Variants in DAB1 observed in about 807,000 individuals in gnomAD.
The protein encoded by DAB1 is disabled homolog 1.
A neutral mutation model predicts 64.6 loss-of-function variants in DAB1; 15 were observed. The observed-to-expected ratio is 0.23, with a 90% confidence interval of 0.16 to 0.36. The LOEUF is 0.36. Among genes scored for constraint, DAB1 ranks in the 10% least tolerant of loss-of-function variants. The pLI is 1.00. For synonymous variants in DAB1, 235 were observed against 251.9 expected (o/e 0.93, Z 0.64); for missense variants, 596 against 706.7 (o/e 0.84, Z 1.78).
intron 4 of DAB1, among the ~76,000 whole-genome samples, chr1:58,301,241 G>A (rs929268308): frequency 6.2e-5 from 9 of 145,930 alleles, no homozygotes; most frequent in East Asian, 2.1e-4. Context: ...GAGAGGGGGG[G>A]GTCATGAAAT....
At chr1:57,496,256 G>C (rs1191088891) in intron 7 of DAB1, among the ~76,000 whole-genome samples, 2 of 152,090 alleles carry the variant, frequency 1.3e-5, no homozygotes, top group Admixed American at 1.3e-4. Context: ...CATTTGGATA[G>C]ACCTTGTGTT....
At chr1:57,675,163 C>T (rs1233753432) in intron 6 of DAB1, among the ~76,000 whole-genome samples, 1 of 152,120 alleles carries the variant, frequency 6.6e-6, no homozygotes, top group Admixed American at 6.6e-5. Context: ...GGGCTTCATG[C>T]AAGTAAGAAA....
At chr1:57,903,171 G>T (rs182041980) in intron 5 of DAB1, among the ~76,000 whole-genome samples, 1 of 152,124 alleles carries the variant, frequency 6.6e-6, no homozygotes, top group African/African-American at 2.4e-5. Context: ...CCCATGACAC[G>T]TGGGAATTAT....
chr1:57,174,106 A>G (rs1662057197), intron 2 of DAB1, among the ~76,000 whole-genome samples: 1 of 152,196 alleles, frequency 6.6e-6, no homozygotes, highest in Non-Finnish European at 1.5e-5. Context: ...AAAAGGAAGG[A>G]AATTCCTAGA....
At chr1:58,373,419 G>C (rs563146353) in intron 3 of DAB1, among the ~76,000 whole-genome samples, 285 of 147,852 alleles carry the variant, frequency 1.9e-3, no homozygotes, top group South Asian at 3.6e-3. Context: ...GAGAATATGC[G>C]GTGTTTGGTT....
chr1:57,716,199 C>G (rs547683311), intron 6 of DAB1, among the ~76,000 whole-genome samples: 1 of 152,060 alleles, frequency 6.6e-6, no homozygotes, highest in African/African-American at 2.4e-5. Context: ...TAAGCCACCG[C>G]GCCCAGCCCA....
At chr1:57,059,873 C>A (rs139852530) in intron 9 of DAB1, among the ~76,000 whole-genome samples, 1 of 152,222 alleles carries the variant, frequency 6.6e-6, no homozygotes, top group Non-Finnish European at 1.5e-5. Flanking sequence ...TTACTTCTTA[C>A]CTCTCTTAGG....
At chr1:57,802,520 A>C (rs1651175905) in intron 6 of DAB1, among the ~76,000 whole-genome samples, 1 of 152,142 alleles carries the variant, frequency 6.6e-6, no homozygotes, top group Non-Finnish European at 1.5e-5. Context: ...ATTGTCTGTG[A>C]TATGGTTTGG....
At chr1:57,326,930 TATTA>T (rs1396276881) in intron 1 of DAB1, among the ~76,000 whole-genome samples, 1 of 105,356 alleles carries the variant, frequency 9.5e-6, no homozygotes, top group African/African-American at 4.2e-5. Flanking sequence ...CACAGAGCAC[TATTA>T]TTTATTTATT....
chr1:57,809,979 T>C (rs545690568), intron 6 of DAB1, among the ~76,000 whole-genome samples: 1 of 152,276 alleles, frequency 6.6e-6, no homozygotes, highest in African/African-American at 2.4e-5. Context: ...AAATTTCCTG[T>C]TGCACAACAC....
intron 6 of DAB1, among the ~76,000 whole-genome samples, chr1:57,752,086 A>T (rs1648581718): frequency 6.6e-6 from 1 of 152,224 alleles, no homozygotes; most frequent in African/African-American, 2.4e-5. Flanking sequence ...AATTGCTCAC[A>T]AAGAGAGAAT....
intron 4 of DAB1, among the ~76,000 whole-genome samples, chr1:57,118,756 C>T (rs1570726070): frequency 5.3e-5 from 8 of 152,306 alleles, no homozygotes; most frequent in Admixed American, 5.2e-4. Flanking sequence ...ATGCCAAACA[C>T]TGTTCTAGGC....
At position 57,487,687 on chromosome 1, in the gene DAB1, T is replaced by C. The variant is rs933984251; in HGVS notation, n.625+161905A>G. Among the ~76,000 whole-genome samples, 3 of 152,152 alleles carry C rather than the reference T, an allele frequency of 2.0e-5. No individual in the cohort carries two copies. In the South Asian group the frequency reaches 6.2e-4, roughly 32 times the overall value. On this transcript the variant is annotated intron_variant and non_coding_transcript_variant, in intron 7 of 20. Coordinates refer to the DAB1 transcript ENST00000485760. ...TTTGTAGCCTAGAAGCAATAGACAATACCACATAGCCTAGGTGTGTTTTAG... is the reference window on the plus strand; with the variant it reads ...TTTGTAGCCTAGAAGCAATAGACAACACCACATAGCCTAGGTGTGTTTTAG...
intron 5 of DAB1, among the ~76,000 whole-genome samples, chr1:57,992,032 G>T (rs765839827): frequency 4.6e-5 from 7 of 151,966 alleles, no homozygotes; most frequent in African/African-American, 1.7e-4. Flanking sequence ...GCCAGAGCTC[G>T]CTGTACTTGA....
At chr1:58,322,177 T>C (rs988735897) in intron 4 of DAB1, among the ~76,000 whole-genome samples, 1 of 152,188 alleles carries the variant, frequency 6.6e-6, no homozygotes, top group Non-Finnish European at 1.5e-5. Context: ...GACATAGGCA[T>C]GGGCAAAGAC....
chr1:58,496,386 G>A (rs894950375), intron 3 of DAB1, among the ~76,000 whole-genome samples: 2 of 152,124 alleles, frequency 1.3e-5, no homozygotes, highest in Admixed American at 6.5e-5. Flanking sequence ...CACTTTCAGT[G>A]CAGTTAAATC....
chr1:57,357,668 G>T (rs1358280797), intron 1 of DAB1, among the ~76,000 whole-genome samples: 1 of 151,854 alleles, frequency 6.6e-6, no homozygotes, highest in African/African-American at 2.4e-5. Context: ...AGGTTTAATT[G>T]ACTCAGTTCT....
rs536576430 is a variant in DAB1 at position 58,141,490 on chromosome 1, G to A, written n.387+9021C>T. Among the ~76,000 whole-genome samples, 50 of 152,206 alleles carry A rather than the reference G, an allele frequency of 3.3e-4. No homozygotes were observed. In the South Asian group the frequency reaches 7.7e-3, roughly 23 times the overall value. ...GGCTACAATTTAAGATGAGATTTGCGTAGGGACACAGCCAAACCACATCAG... is the reference window on the plus strand; with the variant it reads ...GGCTACAATTTAAGATGAGATTTGCATAGGGACACAGCCAAACCACATCAG... On this transcript the variant is annotated intron_variant and non_coding_transcript_variant, in intron 5 of 20. Transcript: ENST00000485760.
At chr1:57,806,740 TTCCTTAAC>T (rs1651380864) in intron 6 of DAB1, among the ~76,000 whole-genome samples, 1 of 152,228 alleles carries the variant, frequency 6.6e-6, no homozygotes, top group South Asian at 2.1e-4. Flanking sequence ...CATAGCATAT[TTCCTTAAC>T]TCCTTTACCT....
Sources: allele counts gnomAD v4.1 joint callset (sites outside exome capture counted in the v4.1 genomes callset), GRCh38; gene constraint gnomAD v4.1.1; transcripts MANE v1.5; gene names NCBI Gene and HGNC (gene_info 2026-07-23, HGNC 2026-07-21).